The following ZNF761 variants were observed in gnomAD, a reference collection of about 807,000 sequenced individuals.
ZNF761 encodes zinc finger protein 761.
Under a neutral mutation model 59.9 loss-of-function variants are expected in ZNF761, and 43 were observed. The observed-to-expected ratio is 0.72, with a 90% CI of 0.56 to 0.92. The LOEUF (loss-of-function observed/expected upper bound fraction) is 0.92, where lower values mean the gene tolerates loss of function less well. ZNF761 is among the 40% of genes least tolerant of loss of function. The pLI, the probability that ZNF761 is intolerant of heterozygous loss-of-function variation, is 0.00. For synonymous variants in ZNF761, 294 were observed against 304.8 expected (o/e 0.96, Z 0.37); for missense variants, 850 against 906.1 (o/e 0.94, Z 0.79).
intron 1 of ZNF761, among the ~76,000 whole-genome samples, chr19:53,439,223 A>T (rs550184210): frequency 6.6e-6 from 1 of 150,386 alleles, no homozygotes; most frequent in African/African-American, 2.4e-5. Flanking sequence ...GTGAGCTGAG[A>T]TCGTGCCACT....
chr19:53,449,496 T>C lies in ZNF761; in HGVS notation c.16-16T>C, dbSNP rs774144758. On this transcript the variant is annotated splice_polypyrimidine_tract_variant and intron_variant, in intron 3 of 4. Coordinates refer to ENST00000684525, the MANE Select transcript of ZNF761 (RefSeq NM_001289951.2). ...TCCTCTCATAACCATTTGGTTAAAATGTGTTTTCATTTCAGGGTCTATTGA... is the reference window on the plus strand; with the variant it reads ...TCCTCTCATAACCATTTGGTTAAAACGTGTTTTCATTTCAGGGTCTATTGA... The C allele has an allele frequency of 1.2e-6, 2 of 1,614,060 alleles. No homozygotes were observed. The highest frequency in any genetic ancestry group is 8.5e-7 in the Non-Finnish European group (1 of 1,180,014).
At chr19:53,442,199 A>C in intron 1 of ZNF761, 1 of 1,092,554 alleles carries the variant, frequency 9.2e-7, no homozygotes, top group Non-Finnish European at 1.4e-6. Flanking sequence ...TCCAACTCAA[A>C]GAAGCTAAGC....
At chr19:53,441,395 C>CTTATTTAT in intron 1 of ZNF761, among the ~76,000 whole-genome samples, 1 of 150,200 alleles carries the variant, frequency 6.7e-6, no homozygotes, top group East Asian at 2.0e-4. Context: ...CTTTATTTTA[C>CTTATTTAT]TTATTTATTT....
chr19:53,445,641 G>T (rs1319415814), intron 1 of ZNF761, among the ~76,000 whole-genome samples: 1 of 151,986 alleles, frequency 6.6e-6, no homozygotes, highest in East Asian at 1.9e-4. Context: ...GGAGTGCCCA[G>T]CTGTAATTAG....
chr19:53,437,755 C>T (rs1437001521), intron 1 of ZNF761, among the ~76,000 whole-genome samples: 2 of 152,144 alleles, frequency 1.3e-5, no homozygotes, highest in African/African-American at 2.4e-5. Flanking sequence ...TTTCTTGCCT[C>T]TAGCTGATAA....
At chr19:53,451,749 ATTT>A (rs747022735) in intron 4 of ZNF761, among the ~76,000 whole-genome samples, 5 of 128,438 alleles carry the variant, frequency 3.9e-5, no homozygotes, top group Non-Finnish European at 3.3e-5. Flanking sequence ...CACCCGGCTA[ATTT>A]TTTTTTTTTT....
intron 1 of ZNF761, among the ~76,000 whole-genome samples, chr19:53,432,757 G>A (rs978455843): frequency 2.0e-5 from 3 of 152,152 alleles, no homozygotes; most frequent in African/African-American, 7.2e-5. Context: ...AGTAGAGGAT[G>A]GGTGAGGGAT....
intron 4 of ZNF761, among the ~76,000 whole-genome samples, chr19:53,452,274 G>T (rs1178167306): frequency 6.6e-6 from 1 of 152,170 alleles, no homozygotes; most frequent in African/African-American, 2.4e-5. Flanking sequence ...CCTGATTTCA[G>T]GAGTTCGAGG....
In ZNF761 at chr19:53,455,292, G is replaced by A. The variant is rs138580477; in HGVS notation, c.785G>A (p.Arg262Lys). ...AAGCGAAACCTAGCATGCCATCGTA[G>A]ATGTCACACTGGTGAGAATCCTTAC... ...NQKRNLACHR[R>K]CHTGENPYKC... Residue 262 changes from arginine (R) to lysine (K), a missense_variant, in exon 5 of 5, where the codon AGA (arginine) becomes AAA (lysine). Arg to Lys is a conservative substitution (Grantham distance 26). Transcript: ENST00000684525. 3.1e-5 allele frequency: 50 copies of A among 1,614,212 alleles called. No individual in the cohort carries two copies. The South Asian group carries it at 3.3e-4, about 11-fold the overall frequency.
rs146604717 is a variant in ZNF761, at chr19:53,441,896, C to T, written c.-184-4331C>T. On this transcript the variant is annotated intron_variant, in intron 1 of 4. Transcript: ENST00000684525. The stretch of plus-strand genomic sequence containing the variant: ...GATCACCACCATCGAGGCAGTGAAG[C>T]GCAAGATCCAGGTTCTGCAGCACCA... 6,469 of 1,574,434 alleles carry T rather than the reference C, an allele frequency of 4.1e-3. 258 individuals carry two copies. The African/African-American group carries it at 0.076, about 19-fold the overall frequency.
At position 53,455,900 on chromosome 19, in the gene ZNF761, C is replaced by G. The variant is rs139734859; in HGVS notation, c.1393C>G (p.Pro465Ala). 62 of 1,613,770 alleles carry G rather than the reference C, an allele frequency of 3.8e-5. No homozygotes were observed. Among genetic ancestry groups the G allele is most frequent in the Non-Finnish European group, 1.7e-6 (2 of 1,179,908 alleles). Residue 465 changes from proline (P) to alanine (A), a missense_variant, in exon 5 of 5, where the codon CCT (proline) becomes GCT (alanine). Coordinates refer to ENST00000684525, the MANE Select transcript of ZNF761 (RefSeq NM_001289951.2). ...CHRRRHTGEQ[P>A]YKCEECDKAF... Reference sequence around the variant, plus strand: ...TCGTAGACGTCATACTGGAGAGCAACCTTACAAATGTGAAGAATGTGACAA... The same window carrying G: ...TCGTAGACGTCATACTGGAGAGCAAGCTTACAAATGTGAAGAATGTGACAA...
At chr19:53,441,761 G>A in intron 1 of ZNF761, 3 of 848,344 alleles carry the variant, frequency 3.5e-6, no homozygotes, top group Non-Finnish European at 3.8e-6. Context: ...ATAAATCTTA[G>A]TTTTCAAAAT....
chr19:53,432,013 G>C lies in ZNF761; in HGVS notation c.-200G>C, dbSNP rs1323840080. 6.5e-6 allele frequency: 1 copy of C among 152,940 alleles called. No homozygotes were observed. Among genetic ancestry groups the C allele is most frequent in the South Asian group, 2.1e-4 (1 of 4,864 alleles). The allele number at this position is 152,940 out of a possible 1,614,324, so 9.5% of individuals were successfully genotyped here. ...CAGGAAGCGGATAGCGTGGAGTGAC[G>C]GTGCCACCGCGGCGCGTGAGTTTCG... On this transcript the variant is annotated 5_prime_UTR_variant, in exon 1 of 5. Coordinates refer to ENST00000684525, the MANE Select transcript of ZNF761 (RefSeq NM_001289951.2).
chr19:53,442,993 G>T, intron 1 of ZNF761: 1 of 270,806 alleles, frequency 3.7e-6, no homozygotes. Flanking sequence ...GTTGACCCCA[G>T]AATTTGTTAG....
Position 53,449,658 on chromosome 19 carries a change from A to G in ZNF761, c.142+20A>G, listed in dbSNP as rs1442888406. 1.4e-5 allele frequency: 23 copies of G among 1,594,438 alleles called. No individual in the cohort carries two copies. Among genetic ancestry groups the G allele is most frequent in the Non-Finnish European group, 1.9e-5 (22 of 1,173,640 alleles). On this transcript the variant is annotated intron_variant, in intron 4 of 4. Coordinates refer to ENST00000684525, the MANE Select transcript of ZNF761 (RefSeq NM_001289951.2). ...CCCTGGGTGAGGATAACTTCCCTCC[A>G]GAAGTGGGAATGTGCCCTTGTGTAT...
chr19:53,447,273 C>G lies in ZNF761; in HGVS notation c.5C>G (p.Ala2Gly). 2.5e-6 allele frequency: 4 copies of G among 1,613,188 alleles called. No homozygotes were observed. Among genetic ancestry groups the G allele is most frequent in the Non-Finnish European group, 3.4e-6 (4 of 1,179,624 alleles). M[A>G]FSQGLLTFRD... ...AGGAGAGCAAAGGAGTCAGGGATGG[C>G]TTTTTCTCAGGTGAGATGATATTTT... Residue 2 changes from alanine (A) to glycine (G), a missense_variant, in exon 3 of 5, where the codon GCT becomes GGT. Ala to Gly is a moderately conservative substitution (Grantham distance 60, BLOSUM62 0). Coordinates refer to ENST00000684525, the MANE Select transcript of ZNF761 (RefSeq NM_001289951.2).
In ZNF761 at chr19:53,435,289, C is replaced by CTTTTTTTTTTT. The variant is rs368157010; in HGVS notation, c.-185+3283_-185+3293dup. Among the ~76,000 whole-genome samples the CTTTTTTTTTTT allele has an allele frequency of 8.4e-4, 45 of 53,616 alleles. 7 individuals are homozygous for CTTTTTTTTTTT. Among genetic ancestry groups the CTTTTTTTTTTT allele is most frequent in the African/African-American group, 2.8e-3 (34 of 12,362 alleles). 35.2% of individuals were successfully genotyped at this position (53,616 alleles called of 152,430 possible). On this transcript the variant is annotated intron_variant, in intron 1 of 4. Transcript: ENST00000684525. ...GGTCGTCTGGCTATAAATACAAGTC[C>CTTTTTTTTTTT]TTTTTTTTTTTTTTTTTTTTTTTTT... is the stretch of plus-strand genomic sequence containing the variant.
At position 53,455,141 on chromosome 19, in the gene ZNF761, G is replaced by GA; in HGVS notation, c.639dup (p.Ser214IlefsTer5). ...ACAAAAACAGGAAGTACACATGAGA[G>GA]AAAAATCTTTCCAATGTAATGAGAG... On this transcript the variant is annotated frameshift_variant, in exon 5 of 5. Coordinates refer to ENST00000684525, the MANE Select transcript of ZNF761 (RefSeq NM_001289951.2). LOFTEE classifies it high-confidence loss of function. 1 of 1,614,186 alleles carries GA rather than the reference G, an allele frequency of 6.2e-7. No individual in the cohort carries two copies. Among genetic ancestry groups the GA allele is most frequent in the South Asian group, 1.1e-5 (1 of 91,082 alleles).
chr19:53,447,050 T>G (rs2086168026), intron 2 of ZNF761, 146 bp from the exon 3 acceptor site: 4 of 474,438 alleles, frequency 8.4e-6, no homozygotes, highest in Middle Eastern at 4.3e-4. Flanking sequence ...GTGCGAGTTT[T>G]CCTGTGGCAG....
Sources: gnomAD v4.1 joint callset for allele counts (sites outside exome capture counted in the v4.1 genomes callset) on GRCh38, gnomAD v4.1.1 for gene constraint, MANE v1.5 for transcripts, NCBI Gene and HGNC (gene_info 2026-07-23, HGNC 2026-07-21) for gene names.